COL8A2: variants seen among roughly 807,000 people sequenced by gnomAD.
COL8A2 encodes the protein collagen alpha-2(VIII) chain.
COL8A2 carries 16 observed loss-of-function variants against 24.0 expected under a neutral mutation model. The observed-to-expected ratio is 0.67, with a 90% CI of 0.45 to 1.01. COL8A2 has a LOEUF of 1.01. COL8A2 is among the 50% of genes least tolerant of loss of function. The probability of loss-of-function intolerance (pLI) is 0.00; values close to 1 mark genes in which losing one functional copy is unlikely to be tolerated. For synonymous variants in COL8A2, 466 were observed against 424.5 expected (o/e 1.10, Z -1.20); for missense variants, 818 against 942.4 (o/e 0.87, Z 1.73).
rs912438727 is a variant in COL8A2, at chr1:36,123,684, A to T, written c.-62+1373T>A. On this transcript the variant is annotated intron_variant, in intron 1 of 3. Coordinates refer to ENST00000397799, the MANE Select transcript of COL8A2 (RefSeq NM_005202.4). This position sits in a 1 kb window ranked among gnomAD's most constrained non-coding sequence, Gnocchi z 4.1. ...GTGGTGGTGTATGTTTCATTAGAGGAGGGTGTCCGCATGAATCTAATGAAT... is the reference window on the plus strand; with the variant it reads ...GTGGTGGTGTATGTTTCATTAGAGGTGGGTGTCCGCATGAATCTAATGAAT... Among the ~76,000 whole-genome samples, 7 of 151,852 alleles carry T rather than the reference A, an allele frequency of 4.6e-5. No individual in the cohort carries two copies. The highest frequency in any genetic ancestry group is 1.7e-4 in the African/African-American group (7 of 41,316).
In COL8A2 at chr1:36,098,926, C is replaced by T; in HGVS notation, c.755G>A (p.Gly252Asp). Residue 252 changes from glycine (G) to aspartate (D), a missense_variant, in exon 4 of 4, where the codon GGT becomes GAT. By Grantham distance (94) the Gly-to-Asp change is moderately conservative. Coordinates refer to ENST00000397799, the MANE Select transcript of COL8A2 (RefSeq NM_005202.4). The part of the protein sequence containing the change: ...DGLPGAPGDK[G>D]ESGPPGVPGP... ...TGGAACTCCAGGAGGCCCAGACTCACCCTTGTCTCCTGGGGCCCCAGGAAG... is the reference window on the plus strand; with the variant it reads ...TGGAACTCCAGGAGGCCCAGACTCATCCTTGTCTCCTGGGGCCCCAGGAAG... 6.2e-7 allele frequency: 1 copy of T among 1,611,890 alleles called. No individual in the cohort carries two copies. The highest frequency in any genetic ancestry group is 8.5e-7 in the Non-Finnish European group (1 of 1,179,412).
chr1:36,122,957 G>T (rs999271262), intron 1 of COL8A2, among the ~76,000 whole-genome samples: 17 of 151,634 alleles, frequency 1.1e-4, no homozygotes, highest in Non-Finnish European at 1.8e-4. Context: ...ACCTCTGCAC[G>T]AGCTGTGCCC....
intron 2 of COL8A2, among the ~76,000 whole-genome samples, chr1:36,105,545 A>G (rs751686342): frequency 6.6e-6 from 1 of 152,238 alleles, no homozygotes; most frequent in Non-Finnish European, 1.5e-5. Context: ...CACGTTACGC[A>G]GGCCTGACCC....
chr1:36,108,499 T>C (rs561822808), intron 2 of COL8A2, among the ~76,000 whole-genome samples: 1 of 152,350 alleles, frequency 6.6e-6, no homozygotes, highest in East Asian at 1.9e-4. Flanking sequence ...CAGGAGACGC[T>C]GATTCAGAGG....
At chr1:36,120,621 G>C (rs953499099) in intron 1 of COL8A2, among the ~76,000 whole-genome samples, 2 of 151,746 alleles carry the variant, frequency 1.3e-5, no homozygotes, top group Middle Eastern at 6.8e-3. Context: ...GGCAGCGTGT[G>C]CCTGTAATCC....
chr1:36,119,976 C>G (rs1643898572), intron 1 of COL8A2, among the ~76,000 whole-genome samples: 1 of 152,088 alleles, frequency 6.6e-6, no homozygotes, highest in South Asian at 2.1e-4. Flanking sequence ...GCCAGGACCC[C>G]CAGCTCAGGC....
intron 1 of COL8A2, among the ~76,000 whole-genome samples, chr1:36,121,707 C>CA (rs1173165455): frequency 3.0e-5 from 2 of 67,020 alleles, no homozygotes; most frequent in African/African-American, 4.2e-5. Context: ...GACTCTGTCT[C>CA]AAAAAAAATT....
intron 2 of COL8A2, among the ~76,000 whole-genome samples, chr1:36,111,011 C>T (rs1256337295): frequency 1.3e-5 from 2 of 152,162 alleles, no homozygotes; most frequent in Non-Finnish European, 2.9e-5. Flanking sequence ...TCCTGAGCCC[C>T]ACCTGCCCCA....
intron 2 of COL8A2, among the ~76,000 whole-genome samples, chr1:36,106,473 G>C (rs1643763298): frequency 6.6e-6 from 1 of 152,118 alleles, no homozygotes; most frequent in African/African-American, 2.4e-5. Flanking sequence ...CACAGAACCA[G>C]AATGTTCTGC....
chr1:36,098,319 C>T lies in COL8A2; in HGVS notation c.1362G>A (p.Gly454=). ...CTGAGGGACCCCTCAGGCCAGGCTG[C>T]CCAGGGAGCCCCAAGTCACCTTTCT... ...LGQKGDLGLP[G]QPGLRGPSGI... is the part of the protein sequence containing the mutation. The change falls in exon 4 of 4, where the codon GGG becomes GGA. Residue 454 remains glycine (G), a synonymous_variant. Coordinates refer to ENST00000397799, the MANE Select transcript of COL8A2 (RefSeq NM_005202.4). 1 of 1,548,136 alleles carries T rather than the reference C, an allele frequency of 6.5e-7. No individual in the cohort carries two copies. The highest frequency in any genetic ancestry group is 8.7e-7 in the Non-Finnish European group (1 of 1,146,466).
rs935385781 is a variant in COL8A2 at position 36,096,681 on chromosome 1, A to C, written c.*888T>G. The C allele has an allele frequency of 6.6e-6, 1 of 152,302 alleles. No individual in the cohort carries two copies. The highest frequency in any genetic ancestry group is 1.5e-5 in the Non-Finnish European group (1 of 68,132). 9.4% of individuals were successfully genotyped at this position (152,302 alleles called of 1,614,324 possible). A position where few individuals can be genotyped will look rare whatever the true frequency, so the allele number is the denominator to read the frequency against. On this transcript the variant is annotated 3_prime_UTR_variant, in exon 4 of 4. Coordinates refer to ENST00000397799, the MANE Select transcript of COL8A2 (RefSeq NM_005202.4). ...GCCCGCAGCAGGTGGAAGGGGAGAA[A>C]GGGAAGAGTGCTCATGTTTGCTGAT... is the stretch of plus-strand genomic sequence containing the variant.
rs1158120215 is a variant in COL8A2 at position 36,125,031 on chromosome 1, C to G, written c.-62+26G>C. 2 of 946,298 alleles carry G rather than the reference C, an allele frequency of 2.1e-6. No homozygotes were observed. The highest frequency in any genetic ancestry group is 2.3e-4 in the East Asian group (2 of 8,644). 58.6% of individuals were successfully genotyped at this position (946,298 alleles called of 1,614,324 possible). ...GCCCTCGGAGCCCCCCAGCCCGAGC[C>G]CCGGTGCCCGCCTCCTGGCCTTTAC... is the stretch of plus-strand genomic sequence containing the variant. On this transcript the variant is annotated intron_variant, in intron 1 of 3. Transcript: ENST00000397799. The surrounding 1 kb of genome is among the most constrained non-coding windows in gnomAD (Gnocchi z 4.5).
chr1:36,098,817 C>T lies in COL8A2; in HGVS notation c.864G>A (p.Leu288=), dbSNP rs1643621822. The change falls in exon 4 of 4, where the codon TTG becomes TTA. Residue 288 remains leucine (L), a synonymous_variant. Coordinates refer to ENST00000397799, the MANE Select transcript of COL8A2 (RefSeq NM_005202.4). ...DGVGVPGAAG[L]PGPQGPSGAK... ...CCCCTGATGGGCCCTGTGGTCCTGG[C>T]AACCCTGCTGCCCCTGGGACTCCCA... The T allele has an allele frequency of 6.2e-7, 1 of 1,612,084 alleles. No homozygotes were observed. Among genetic ancestry groups the T allele is most frequent in the Non-Finnish European group, 8.5e-7 (1 of 1,179,736 alleles).
intron 2 of COL8A2, among the ~76,000 whole-genome samples, chr1:36,108,172 G>A (rs1324821498): frequency 6.6e-6 from 1 of 152,260 alleles, no homozygotes. Context: ...GGGCTCATCT[G>A]GGCTAGAACG....
Position 36,097,563 on chromosome 1 carries a change from C to T in COL8A2, c.*6G>A, listed in dbSNP as rs766775820. On this transcript the variant is annotated 3_prime_UTR_variant, in exon 4 of 4. Transcript: ENST00000397799. ...GAGGCCAGGGCAGCAGGACCCCCCCCGCGGGTTATGTGGGGCAGAGCAAGA... is the reference window on the plus strand; with the variant it reads ...GAGGCCAGGGCAGCAGGACCCCCCCTGCGGGTTATGTGGGGCAGAGCAAGA... 70 of 1,598,646 alleles carry T rather than the reference C, an allele frequency of 4.4e-5. No homozygotes were observed. The South Asian group carries it at 5.2e-4, about 12-fold the overall frequency.
intron 3 of COL8A2, 36 bp from the exon 4 acceptor site, chr1:36,099,523 G>C (rs1284579743): frequency 1.4e-6 from 2 of 1,448,378 alleles, no homozygotes; most frequent in Admixed American, 2.0e-5. Context: ...TCAGGGGCCT[G>C]AACTGTGGGG....
rs3738360 is a variant in COL8A2 at position 36,097,557 on chromosome 1, C to A, written c.*12G>T. 0.86 allele frequency: 1,366,437 copies of A among 1,584,910 alleles called. 601,064 individuals are homozygous for A. Among genetic ancestry groups the A allele is most frequent in the Non-Finnish European group, 0.91 (1,058,762 of 1,159,698 alleles). ...GGGGAGGAGGCCAGGGCAGCAGGACCCCCCCCGCGGGTTATGTGGGGCAGA... is the reference window on the plus strand; with the variant it reads ...GGGGAGGAGGCCAGGGCAGCAGGACACCCCCCGCGGGTTATGTGGGGCAGA... On this transcript the variant is annotated 3_prime_UTR_variant, in exon 4 of 4. Transcript: ENST00000397799.
In COL8A2 at chr1:36,098,513, G is replaced by C; in HGVS notation, c.1168C>G (p.Pro390Ala). The C allele has an allele frequency of 6.3e-7, 1 of 1,591,448 alleles. No individual in the cohort carries two copies. Among genetic ancestry groups the C allele is most frequent in the Non-Finnish European group, 8.5e-7 (1 of 1,169,808 alleles). ...GGCCCCTGGTCACCTCGAATGCCAG[G>C]CACTCCTGGGGGTCCTCCAGGCCCT... Reference protein sequence around the residue: ...EAGPGGPPGVPGIRGDQGPSG... With the variant: ...EAGPGGPPGVAGIRGDQGPSG... The change falls in exon 4 of 4, where the codon CCT (proline) becomes GCT (alanine). Residue 390 changes from proline (P) to alanine (A), a missense_variant. Pro to Ala is a conservative substitution (Grantham distance 27). Around this residue, in one of 3 missense-constraint regions of COL8A2, gnomAD observed 573 missense variants for 616.8 expected, o/e 0.93. Coordinates refer to ENST00000397799, the MANE Select transcript of COL8A2 (RefSeq NM_005202.4).
At chr1:36,113,959 G>T (rs1643867191) in intron 2 of COL8A2, among the ~76,000 whole-genome samples, 1 of 152,150 alleles carries the variant, frequency 6.6e-6, no homozygotes, top group South Asian at 2.1e-4. Flanking sequence ...AGGGTAGGGG[G>T]GCAACCAAGG....
Sources: gnomAD v4.1 joint callset for allele counts (sites outside exome capture counted in the v4.1 genomes callset) on GRCh38, gnomAD v4.1.1 for gene constraint, gnomAD v4.1.1 regional missense constraint, Gnocchi (gnomAD v3.1) non-coding constraint, MANE v1.5 for transcripts, NCBI Gene and HGNC (gene_info 2026-07-23, HGNC 2026-07-21) for gene names.